The following COL4A3 variants were observed in gnomAD, a reference collection of about 807,000 sequenced individuals.
The protein encoded by COL4A3 is collagen alpha-3(IV) chain.
In COL4A3, 135 loss-of-function variants were observed where a neutral mutation model predicts 217.4. The ratio of observed to expected loss-of-function variants is 0.62; its 90% CI spans 0.54 to 0.72. The LOEUF (loss-of-function observed/expected upper bound fraction) is 0.72, where lower values mean the gene tolerates loss of function less well. COL4A3 is among the 30% of genes least tolerant of loss of function. The pLI is 0.00. For missense variants in COL4A3, 1,868 were observed against 2,119.9 expected, an observed-to-expected ratio of 0.88 and a Z score of 2.33; for synonymous variants, 690 against 736.3, an observed-to-expected ratio of 0.94 and a Z score of 1.02.
intron 32 of COL4A3, among the ~76,000 whole-genome samples, 170 bp from the exon 33 acceptor site, chr2:227,283,597 C>T (rs2072121199): frequency 6.6e-6 from 1 of 152,236 alleles, no homozygotes; most frequent in Admixed American, 6.5e-5. Flanking sequence ...GTTTAAAAGA[C>T]CACTTACCGA....
chr2:227,290,860 A>G lies in COL4A3; in HGVS notation c.3184A>G (p.Thr1062Ala), dbSNP rs749655271. 14 of 1,613,482 alleles carry G rather than the reference A, an allele frequency of 8.7e-6. 1 individual carries two copies. The highest frequency in any genetic ancestry group is 4.4e-5 in the South Asian group (4 of 90,886). ...GGGAGAGCCAGGTTATTCAGAAGGTACAAGGCCAGGACCACCGGGACCAAC... is the reference window on the plus strand; with the variant it reads ...GGGAGAGCCAGGTTATTCAGAAGGTGCAAGGCCAGGACCACCGGGACCAAC... ...DKGEPGYSEGTRPGPPGPTGD... is the reference protein window; with the variant it reads ...DKGEPGYSEGARPGPPGPTGD... The change falls in exon 37 of 52, where the codon ACA (threonine) becomes GCA (alanine). Residue 1062 changes from threonine to alanine, a missense_variant. Physicochemically the swap from Thr to Ala is moderately conservative, Grantham distance 58. Transcript: ENST00000396578.
chr2:227,299,351 C>T (rs1244770872), intron 43 of COL4A3, among the ~76,000 whole-genome samples: 4 of 152,092 alleles, frequency 2.6e-5, no homozygotes, highest in Admixed American at 6.5e-5. Flanking sequence ...GCCGAGATAG[C>T]GCCACTGCAC....
rs62277831 is a variant in COL4A3, at chr2:227,202,905, G to A, written c.88-35063G>A. ...CATATGTGTATATATGTGTATATAT[G>A]TGTATATATACATATATGTGTATAT... On this transcript the variant is annotated intron_variant, in intron 1 of 51. Transcript: ENST00000396578. Among the ~76,000 whole-genome samples the A allele has an allele frequency of 2.0e-3, 40 of 20,394 alleles. 7 individuals carry two copies. The highest frequency in any genetic ancestry group is 2.5e-3 in the Non-Finnish European group (31 of 12,646). 13.4% of individuals were successfully genotyped at this position (20,394 alleles called of 152,430 possible).
intron 1 of COL4A3, among the ~76,000 whole-genome samples, chr2:227,207,091 G>T (rs2067129362): frequency 6.6e-6 from 1 of 152,124 alleles, no homozygotes; most frequent in African/African-American, 2.4e-5. Flanking sequence ...GGAAGAGCAG[G>T]TCTGTGAATG....
chr2:227,221,516 CT>C (rs1470795073), intron 1 of COL4A3: 1 of 152,050 alleles, frequency 6.6e-6, no homozygotes, highest in Admixed American at 6.6e-5. Context: ...TTAAATCCCA[CT>C]GTGTCTATGC....
chr2:227,271,219 T>C lies in COL4A3; in HGVS notation c.1758+267T>C, dbSNP rs567163838. Among the ~76,000 whole-genome samples the C allele has an allele frequency of 2.6e-5, 4 of 152,212 alleles. No individual in the cohort carries two copies. In the South Asian group the frequency reaches 8.3e-4, roughly 32 times the overall value. On this transcript the variant is annotated intron_variant, in intron 25 of 51. Coordinates refer to ENST00000396578, the MANE Select transcript of COL4A3 (RefSeq NM_000091.5). ...TCATACACAAATTACAGTTCCATAT[T>C]TGTATCAAATGAGTCTATGGAAAAG...
intron 23 of COL4A3, among the ~76,000 whole-genome samples, chr2:227,267,879 G>A (rs983275318): frequency 6.6e-6 from 1 of 151,724 alleles, no homozygotes; most frequent in Non-Finnish European, 1.5e-5. Context: ...ACAACTGTGT[G>A]CCAGGCCAGG....
chr2:227,267,913 C>G (rs2071006706), intron 23 of COL4A3, among the ~76,000 whole-genome samples: 1 of 152,202 alleles, frequency 6.6e-6, no homozygotes, highest in South Asian at 2.1e-4. Context: ...CACGGTTACT[C>G]CCGGCTGTCA....
rs113567585 is a variant in COL4A3, at chr2:227,190,148, T to A, written c.87+25335T>A. Among the ~76,000 whole-genome samples the A allele has an allele frequency of 1.0e-3, 159 of 152,352 alleles. 1 individual carries two copies. Among genetic ancestry groups the A allele is most frequent in the African/African-American group, 3.7e-3 (155 of 41,582 alleles). On this transcript the variant is annotated intron_variant, in intron 1 of 51. Transcript: ENST00000396578. ...GCATCTTAGCTGCAGTCACTATTCA[T>A]AAATGAGTTGAAAAATTCATCAAAC...
rs1484002131 is a variant in COL4A3, at chr2:227,203,484, T to C, written c.88-34484T>C. 7.9e-4 allele frequency among the ~76,000 whole-genome samples: 27 copies of C among 34,318 alleles called. 11 individuals are homozygous for C. Among genetic ancestry groups the C allele is most frequent in the Non-Finnish European group, 1.5e-3 (27 of 17,718 alleles). The allele number at this position is 34,318 out of a possible 152,430, so 22.5% of individuals were successfully genotyped here. On this transcript the variant is annotated intron_variant, in intron 1 of 51. Transcript: ENST00000396578. The stretch of plus-strand genomic sequence containing the variant: ...ATGTGTGTATATATGTGTATACATA[T>C]GTGTGTATATGTGTATATATACATA...
chr2:227,266,018 TA>T, intron 21 of COL4A3: 1 of 224,898 alleles, frequency 4.4e-6, no homozygotes, highest in Non-Finnish European at 8.9e-6. Context: ...AGCATGAGGG[TA>T]ACTGCCCCCA....
At chr2:227,176,824 A>G (rs913732751) in intron 1 of COL4A3, among the ~76,000 whole-genome samples, 1 of 152,216 alleles carries the variant, frequency 6.6e-6, no homozygotes, top group African/African-American at 2.4e-5. Context: ...GAGAGACCCA[A>G]GGCAACAAGG....
intron 1 of COL4A3, among the ~76,000 whole-genome samples, chr2:227,173,210 C>A (rs1163153097): frequency 6.6e-6 from 1 of 152,100 alleles, no homozygotes; most frequent in East Asian, 1.9e-4. Context: ...GTTTTAATAT[C>A]ATTTCTATAA....
intron 5 of COL4A3, chr2:227,245,734 T>A: frequency 1.7e-6 from 1 of 596,270 alleles, no homozygotes; most frequent in African/African-American, 1.9e-5. Context: ...TTTGCTTTAT[T>A]TGAAATATCC....
chr2:227,165,899 AAG>A (rs1340260692), intron 1 of COL4A3, among the ~76,000 whole-genome samples: 1 of 152,200 alleles, frequency 6.6e-6, no homozygotes, highest in Non-Finnish European at 1.5e-5. Flanking sequence ...CTTGTCTTCC[AAG>A]AGGTGTCCAC....
At chr2:227,219,168 AT>A (rs1001387770) in intron 1 of COL4A3, among the ~76,000 whole-genome samples, 17 of 148,916 alleles carry the variant, frequency 1.1e-4, no homozygotes, top group South Asian at 6.5e-4. Flanking sequence ...CTAATTTTGT[AT>A]TTTTTTTTTA....
intron 9 of COL4A3, among the ~76,000 whole-genome samples, chr2:227,249,935 C>A (rs74612469): frequency 2.5e-4 from 38 of 152,218 alleles, no homozygotes; most frequent in Admixed American, 4.6e-4. Flanking sequence ...CATTTGATTA[C>A]ACAAGAAATA....
At chr2:227,256,634 C>A (rs1159605639) in intron 17 of COL4A3, 10 of 695,258 alleles carry the variant, frequency 1.4e-5, no homozygotes, top group Non-Finnish European at 2.6e-5. Flanking sequence ...TGACTTAGGA[C>A]CAGTGAGAGT....
At chr2:227,275,808 G>A (rs1263157192) in intron 26 of COL4A3, among the ~76,000 whole-genome samples, 1 of 152,076 alleles carries the variant, frequency 6.6e-6, no homozygotes, top group Non-Finnish European at 1.5e-5. Flanking sequence ...TAGCCTTCCT[G>A]TGGAAACTAG....
Sources: gnomAD v4.1 joint callset for allele counts (sites outside exome capture counted in the v4.1 genomes callset) on GRCh38, gnomAD v4.1.1 for gene constraint, MANE v1.5 for transcripts, NCBI Gene and HGNC (gene_info 2026-07-23, HGNC 2026-07-21) for gene names.